PGAP2: variants seen among roughly 807,000 people sequenced by gnomAD.
PGAP2 encodes acyltransferase PGAP2.
PGAP2 carries 21 observed loss-of-function variants against 33.2 expected under a neutral mutation model. The ratio of observed to expected loss-of-function variants is 0.63; its 90% CI spans 0.45 to 0.91. The LOEUF (loss-of-function observed/expected upper bound fraction) is 0.91. PGAP2 is among the 40% of genes least tolerant of loss of function. The probability of loss-of-function intolerance (pLI) is 0.00; values close to 1 mark genes in which losing one functional copy is unlikely to be tolerated. For synonymous variants in PGAP2, 161 were observed against 172.9 expected (o/e 0.93, Z 0.54); for missense variants, 345 against 424.0 (o/e 0.81, Z 1.64).
chr11:3,824,380 C>A lies in PGAP2; in HGVS notation c.708+4C>A, dbSNP rs201840801. On this transcript the variant is annotated splice_donor_region_variant and intron_variant, in intron 5 of 6. Transcript: ENST00000278243. ...GAAGCACACAGTAAGTCAGGAGGTA[C>A]GGTCTATCCCTAGCGGGGGCTCCAA... is the stretch of plus-strand genomic sequence containing the variant. 1 of 1,614,088 alleles carries A rather than the reference C, an allele frequency of 6.2e-7. No individual in the cohort carries two copies. Among genetic ancestry groups the A allele is most frequent in the Admixed American group, 1.7e-5 (1 of 60,018 alleles).
chr11:3,819,141 T>C (rs1311049195), intron 3 of PGAP2, among the ~76,000 whole-genome samples: 1 of 152,192 alleles, frequency 6.6e-6, no homozygotes, highest in Non-Finnish European at 1.5e-5. Flanking sequence ...CTTGACCTCC[T>C]GGGCTCAGGT....
intron 3 of PGAP2, chr11:3,817,988 G>A (rs534419106): frequency 2.5e-6 from 1 of 393,716 alleles, no homozygotes; most frequent in African/African-American, 2.1e-5. Flanking sequence ...GGACATTTCA[G>A]TGAGCTGAGT....
intron 3 of PGAP2, chr11:3,823,657 T>C: frequency 6.5e-7 from 1 of 1,547,476 alleles, no homozygotes; most frequent in Non-Finnish European, 8.7e-7. Flanking sequence ...GCCACCATGC[T>C]GCTGCACAAA....
intron 2 of PGAP2, among the ~76,000 whole-genome samples, chr11:3,812,059 C>T (rs1377342451): frequency 6.6e-6 from 1 of 151,924 alleles, no homozygotes; most frequent in African/African-American, 2.4e-5. Context: ...TGGGGTGAGT[C>T]CCGTGGCCTC....
chr11:3,805,969 G>C (rs950404686), upstream of PGAP2, among the ~76,000 whole-genome samples: 3 of 98 alleles, frequency 0.031, no homozygotes, highest in Non-Finnish European at 0.048. Flanking sequence ...ACAGATGTGA[G>C]CCACCACGCC....
intron 1 of PGAP2, among the ~76,000 whole-genome samples, chr11:3,809,874 C>T (rs2085186528): frequency 6.6e-6 from 1 of 152,180 alleles, no homozygotes; most frequent in African/African-American, 2.4e-5. Flanking sequence ...GGCGTAGCCA[C>T]CTGGCTTGTT....
intron 5 of PGAP2, chr11:3,824,714 A>G (rs1245987839): frequency 1.9e-6 from 2 of 1,071,224 alleles, no homozygotes; most frequent in South Asian, 1.7e-5. Context: ...ACCCATGTAC[A>G]TGGGTTTCTT....
chr11:3,823,518 G>C, intron 3 of PGAP2: 1 of 1,335,496 alleles, frequency 7.5e-7, no homozygotes, highest in Non-Finnish European at 1.0e-6. Context: ...GACTGAATCT[G>C]AGGCCTTGGA....
chr11:3,810,138 G>A (rs1368985298), intron 1 of PGAP2, among the ~76,000 whole-genome samples: 1 of 152,222 alleles, frequency 6.6e-6, no homozygotes, highest in Non-Finnish European at 1.5e-5. Flanking sequence ...CTCTCTCTGA[G>A]TGTCTTGGTT....
At position 3,811,305 on chromosome 11, in the gene PGAP2, C is replaced by T. The variant is rs773359554; in HGVS notation, c.46C>T (p.Arg16Trp). 3.0e-5 allele frequency: 49 copies of T among 1,613,918 alleles called. No homozygotes were observed. The highest frequency in any genetic ancestry group is 2.2e-5 in the East Asian group (1 of 44,890). The change falls in exon 2 of 7, where the codon CGG becomes TGG. Residue 16 changes from arginine to tryptophan, a missense_variant. By Grantham distance (101) the Arg-to-Trp change is moderately radical. Coordinates refer to ENST00000278243, the MANE Select transcript of PGAP2 (RefSeq NM_014489.4). This position sits in a 1 kb window ranked among gnomAD's most constrained non-coding sequence, Gnocchi z 4.6. ...ACTGGATCGGGATGGGACCCTGGTA[C>T]GGCTCCGCTTCACCATGGTGGCCCT... ...LPLDRDGTLV[R>W]LRFTMVALVT...
intron 6 of PGAP2, 67 bp from the exon 7 acceptor site, chr11:3,825,257 GATTT>G: frequency 6.3e-7 from 1 of 1,577,110 alleles, no homozygotes; most frequent in Non-Finnish European, 8.7e-7. Context: ...ATGGTGGTGT[GATTT>G]ATCAAGAGGC....
At position 3,814,822 on chromosome 11, in the gene PGAP2, CT is replaced by C. The variant is rs200711764; in HGVS notation, c.166-2524del. ...TTTCTTTCTTTCTTTCTCTTTCTTT[CT>C]TTTTTTCTTTTTTTCCTTCTTTCTT... On this transcript the variant is annotated intron_variant, in intron 2 of 6. Coordinates refer to ENST00000278243, the MANE Select transcript of PGAP2 (RefSeq NM_014489.4). Among the ~76,000 whole-genome samples, 428 of 111,562 alleles carry C rather than the reference CT, an allele frequency of 3.8e-3. 3 individuals are homozygous for C. Among genetic ancestry groups the C allele is most frequent in the African/African-American group, 0.012 (402 of 33,604 alleles). The allele number at this position is 111,562 out of a possible 152,430, so 73.2% of individuals were successfully genotyped here. A position where few individuals can be genotyped will look rare whatever the true frequency, so the allele number is the denominator to read the frequency against.
chr11:3,809,156 A>C (rs1167993240), intron 1 of PGAP2, among the ~76,000 whole-genome samples: 2 of 152,152 alleles, frequency 1.3e-5, no homozygotes, highest in Non-Finnish European at 2.9e-5. Context: ...GCACTCAGTA[A>C]ATGTGGGTTC....
chr11:3,808,702 C>T, intron 1 of PGAP2, 51 bp downstream of exon 1: 1 of 1,036,258 alleles, frequency 9.7e-7, no homozygotes, highest in Non-Finnish European at 1.2e-6. Flanking sequence ...CACTCGGGAG[C>T]TTGGCCGCGC....
chr11:3,819,679 C>T (rs2088043106), intron 3 of PGAP2, among the ~76,000 whole-genome samples: 1 of 152,110 alleles, frequency 6.6e-6, no homozygotes, highest in Non-Finnish European at 1.5e-5. Context: ...TCTCTCAGTA[C>T]TCTTAGCTCT....
At chr11:3,817,248 T>C (rs1165098134) in intron 2 of PGAP2, 105 bp from the exon 3 acceptor site, 11 of 839,778 alleles carry the variant, frequency 1.3e-5, no homozygotes, top group Non-Finnish European at 3.9e-6. Flanking sequence ...CCCTTTCTGC[T>C]CTGGCTTTTC....
Position 3,824,953 on chromosome 11 carries a change from G to A in PGAP2, c.709-67G>A, listed in dbSNP as rs2089746822. ...TAAGGCCCAGCCCTTAGGAGTTAGG[G>A]CTGAGAGGGGAGCCCACGCTCTCAT... On this transcript the variant is annotated intron_variant, in intron 5 of 6. Transcript: ENST00000278243. The A allele has an allele frequency of 8.1e-6, 13 of 1,605,684 alleles. No homozygotes were observed. In the South Asian group the frequency reaches 1.2e-4, roughly 15 times the overall value.
chr11:3,815,358 G>GA (rs749036036), intron 2 of PGAP2, among the ~76,000 whole-genome samples: 10 of 151,130 alleles, frequency 6.6e-5, no homozygotes, highest in Non-Finnish European at 1.5e-4. Context: ...ACCCAGGCTG[G>GA]AGTGCAATGG....
chr11:3,807,992 T>C, upstream of PGAP2: 1 of 1,253,030 alleles, frequency 8.0e-7, no homozygotes, highest in Non-Finnish European at 1.0e-6. Context: ...CTTTCTGCGC[T>C]ACGTAGGACA....
Sources: gnomAD v4.1 joint callset for allele counts (sites outside exome capture counted in the v4.1 genomes callset) on GRCh38, gnomAD v4.1.1 for gene constraint, Gnocchi (gnomAD v3.1) non-coding constraint, MANE v1.5 for transcripts, NCBI Gene and HGNC (gene_info 2026-07-23, HGNC 2026-07-21) for gene names.